The following RALGPS2 variants were observed in gnomAD, a reference collection of about 807,000 sequenced individuals.
RALGPS2 encodes the protein Ral GEF with PH domain and SH3 binding motif 2.
RALGPS2 carries 43 observed loss-of-function variants against 86.8 expected under a neutral mutation model. The ratio of observed to expected loss-of-function variants is 0.50; its 90% CI spans 0.39 to 0.64. RALGPS2 has a LOEUF of 0.64. RALGPS2 is among the 30% of genes least tolerant of loss of function. The pLI, the probability that RALGPS2 is intolerant of heterozygous loss-of-function variation, is 0.00. For missense variants in RALGPS2, 536 were observed against 694.6 expected, an observed-to-expected ratio of 0.77 and a Z score of 2.57; for synonymous variants, 243 against 231.3, an observed-to-expected ratio of 1.05 and a Z score of -0.46.
In RALGPS2 at chr1:178,916,328, AG is replaced by A; in HGVS notation, c.1723del. ...TCAGTTTTTAATGCTTATATTTTTT[AG>A]GTTCCTACAAACTTGATGACTTTTG... is the stretch of plus-strand genomic sequence containing the variant. On this transcript the variant is annotated splice_acceptor_variant, in intron 19 of 19. Coordinates refer to ENST00000367635, the MANE Select transcript of RALGPS2 (RefSeq NM_152663.5). LOFTEE classifies it high-confidence loss of function. The A allele has an allele frequency of 6.3e-7, 1 of 1,593,108 alleles. No homozygotes were observed. The highest frequency in any genetic ancestry group is 8.6e-7 in the Non-Finnish European group (1 of 1,162,256).
At chr1:178,902,593 C>G (rs1660223809) in intron 18 of RALGPS2, among the ~76,000 whole-genome samples, 1 of 152,090 alleles carries the variant, frequency 6.6e-6, no homozygotes, top group East Asian at 1.9e-4. Context: ...ATAGGCCATA[C>G]TGCTTCCTTC....
rs144865149 is a variant in RALGPS2, at chr1:178,780,994, C to T, written c.58-3424C>T. 6.0e-3 allele frequency among the ~76,000 whole-genome samples: 907 copies of T among 151,320 alleles called. 15 individuals are homozygous for T. Among genetic ancestry groups the T allele is most frequent in the African/African-American group, 0.021 (879 of 41,310 alleles). On this transcript the variant is annotated intron_variant, in intron 2 of 19. Coordinates refer to ENST00000367635, the MANE Select transcript of RALGPS2 (RefSeq NM_152663.5). ...GTTTGTTTTCTTTGTATATTTATAA[C>T]CATATTTCTTGAATATGTTATATAT...
rs762219863 is a variant in RALGPS2 at position 178,877,483 on chromosome 1, C to T, written c.608-15C>T. 44 of 1,612,052 alleles carry T rather than the reference C, an allele frequency of 2.7e-5. No homozygotes were observed. The highest frequency in any genetic ancestry group is 3.7e-5 in the Non-Finnish European group (44 of 1,178,960). ...TACAACTAAGAAAACGTTCATTTATCTAATTGTATTTCAGGTATCTATTTG... is the reference window on the plus strand; with the variant it reads ...TACAACTAAGAAAACGTTCATTTATTTAATTGTATTTCAGGTATCTATTTG... On this transcript the variant is annotated splice_polypyrimidine_tract_variant and intron_variant, in intron 8 of 19. Coordinates refer to ENST00000367635, the MANE Select transcript of RALGPS2 (RefSeq NM_152663.5).
chr1:178,790,164 C>G (rs1653883010), intron 4 of RALGPS2, among the ~76,000 whole-genome samples: 1 of 152,060 alleles, frequency 6.6e-6, no homozygotes, highest in South Asian at 2.1e-4. Context: ...GCTGTCCAGG[C>G]TGGTCTCAAA....
chr1:178,814,365 G>A (rs1655128991), intron 6 of RALGPS2, among the ~76,000 whole-genome samples: 1 of 152,078 alleles, frequency 6.6e-6, no homozygotes, highest in Non-Finnish European at 1.5e-5. Context: ...TGAGTCTCTT[G>A]GTGCTTATGT....
chr1:178,807,847 G>A (rs1654813063), intron 4 of RALGPS2, among the ~76,000 whole-genome samples, 198 bp from the exon 5 acceptor site: 1 of 152,140 alleles, frequency 6.6e-6, no homozygotes. Context: ...TGTTTTCATA[G>A]TCGTTGTGCT....
At chr1:178,847,034 A>G (rs1473382540) in intron 8 of RALGPS2, among the ~76,000 whole-genome samples, 2 of 152,248 alleles carry the variant, frequency 1.3e-5, no homozygotes, top group South Asian at 2.1e-4. Context: ...AGAAAGCATT[A>G]TGGATTACAT....
intron 7 of RALGPS2, among the ~76,000 whole-genome samples, chr1:178,831,633 C>A (rs533702316): frequency 6.7e-6 from 1 of 149,734 alleles, no homozygotes; most frequent in African/African-American, 2.5e-5. Context: ...CCCCGCCCCC[C>A]CCACCCCCAG....
intron 6 of RALGPS2, among the ~76,000 whole-genome samples, chr1:178,813,037 A>T (rs1655060087): frequency 6.9e-6 from 1 of 145,484 alleles, no homozygotes; most frequent in South Asian, 2.1e-4. Context: ...AGTTCAAGTG[A>T]TTCTCACATC....
chr1:178,817,309 C>T (rs1355198566), intron 6 of RALGPS2, among the ~76,000 whole-genome samples: 5 of 146,006 alleles, frequency 3.4e-5, no homozygotes, highest in African/African-American at 7.7e-5. Context: ...CACGCCACTG[C>T]ACTCCAGCCT....
intron 6 of RALGPS2, among the ~76,000 whole-genome samples, chr1:178,816,524 G>A (rs900863698): frequency 6.6e-6 from 1 of 151,518 alleles, no homozygotes; most frequent in Non-Finnish European, 1.5e-5. Context: ...TATGCCTTGC[G>A]TTTTTATTTT....
intron 1 of RALGPS2, among the ~76,000 whole-genome samples, chr1:178,754,319 A>C (rs188379531): frequency 2.6e-5 from 4 of 152,238 alleles, no homozygotes; most frequent in Non-Finnish European, 4.4e-5. Flanking sequence ...ACATGATCCT[A>C]GAAGCTGAGA....
chr1:178,758,331 G>A (rs908404680), intron 1 of RALGPS2, among the ~76,000 whole-genome samples: 2 of 152,058 alleles, frequency 1.3e-5, no homozygotes, highest in Non-Finnish European at 2.9e-5. Context: ...GGCATACAGT[G>A]CGTAATAATC....
chr1:178,747,638 T>G, intron 1 of RALGPS2: 1 of 1,555,400 alleles, frequency 6.4e-7, no homozygotes, highest in Non-Finnish European at 8.9e-7. Context: ...AAGCTGGCAT[T>G]AATATAATCA....
At chr1:178,902,078 T>G (rs1323834389) in intron 17 of RALGPS2, 28 bp from the exon 18 acceptor site, 2 of 1,543,348 alleles carry the variant, frequency 1.3e-6, no homozygotes, top group East Asian at 2.3e-5. Context: ...AATTTTCTGT[T>G]TCCGCTAATT....
rs901141261 is a variant in RALGPS2, at chr1:178,796,026, G to C, written c.213+10419G>C. Among the ~76,000 whole-genome samples, 5 of 152,178 alleles carry C rather than the reference G, an allele frequency of 3.3e-5. No individual in the cohort carries two copies. The South Asian group carries it at 6.2e-4, about 19-fold the overall frequency. ...CCAATTGCTGTGTTAGAAGCGAGTTGCCGCTGTTTTGTCAGTTTGTATTAC... is the reference window on the plus strand; with the variant it reads ...CCAATTGCTGTGTTAGAAGCGAGTTCCCGCTGTTTTGTCAGTTTGTATTAC... On this transcript the variant is annotated intron_variant, in intron 4 of 19. Coordinates refer to ENST00000367635, the MANE Select transcript of RALGPS2 (RefSeq NM_152663.5).
At chr1:178,734,018 A>G (rs1476904133) in intron 1 of RALGPS2, among the ~76,000 whole-genome samples, 1 of 152,254 alleles carries the variant, frequency 6.6e-6, no homozygotes, top group African/African-American at 2.4e-5. Context: ...CCTATAACTC[A>G]ATAATAAAAA....
intron 13 of RALGPS2, among the ~76,000 whole-genome samples, chr1:178,888,468 T>C (rs1659582925): frequency 6.6e-6 from 1 of 152,182 alleles, no homozygotes; most frequent in Non-Finnish European, 1.5e-5. Context: ...TCCTAGATAA[T>C]CTTGAGTAGT....
chr1:178,779,154 G>T (rs1653253870), intron 2 of RALGPS2, among the ~76,000 whole-genome samples: 1 of 152,158 alleles, frequency 6.6e-6, no homozygotes. Context: ...CGTTAGGCTG[G>T]AATGTTGTAA....
Sources: allele counts gnomAD v4.1 joint callset (sites outside exome capture counted in the v4.1 genomes callset), GRCh38; gene constraint gnomAD v4.1.1; transcripts MANE v1.5; gene names NCBI Gene and HGNC (gene_info 2026-07-23, HGNC 2026-07-21).